The following NCAM1 variants were observed in gnomAD, a reference collection of about 807,000 sequenced individuals.
NCAM1 encodes the protein neural cell adhesion molecule 1, also known as antigen recognized by monoclonal antibody 5.1H11.
A neutral mutation model predicts 109.8 loss-of-function variants in NCAM1; 14 were observed. The ratio of observed to expected loss-of-function variants is 0.13; its 90% CI spans 0.08 to 0.20. The LOEUF (loss-of-function observed/expected upper bound fraction) is 0.20, where lower values mean the gene tolerates loss of function less well. Among genes scored for constraint, NCAM1 ranks in the 10% least tolerant of loss-of-function variants. The pLI is 1.00. For synonymous variants in NCAM1, 418 were observed against 442.9 expected (o/e 0.94, Z 0.70); for missense variants, 774 against 1,109.9 (o/e 0.70, Z 4.30).
At chr11:113,192,469 G>C (rs1414556800) in intron 1 of NCAM1, among the ~76,000 whole-genome samples, 3 of 152,182 alleles carry the variant, frequency 2.0e-5, no homozygotes, top group African/African-American at 7.2e-5. Flanking sequence ...CTGTTAAAAA[G>C]TGCCCCTGGG....
At chr11:113,190,869 C>T (rs1943655219) in intron 1 of NCAM1, among the ~76,000 whole-genome samples, 1 of 152,128 alleles carries the variant, frequency 6.6e-6, no homozygotes, top group Middle Eastern at 3.2e-3. Context: ...ATCCCTTTAA[C>T]ATGGACACTC....
chr11:113,175,701 C>T (rs1279658678), intron 1 of NCAM1, among the ~76,000 whole-genome samples: 1 of 152,182 alleles, frequency 6.6e-6, no homozygotes, highest in Non-Finnish European at 1.5e-5. Flanking sequence ...TCATACCATT[C>T]ACCATTGTGG....
In NCAM1 at chr11:113,175,692, C is replaced by T. The variant is rs568968352; in HGVS notation, c.53-26687C>T. ...AAGACATCTTTGTTTTCCTGTTTTT[C>T]ATACCATTCACCATTGTGGAAAAAC... On this transcript the variant is annotated intron_variant, in intron 1 of 19. Coordinates refer to ENST00000316851, the MANE Select transcript of NCAM1 (RefSeq NM_181351.5). Among the ~76,000 whole-genome samples the T allele has an allele frequency of 1.6e-3, 246 of 152,316 alleles. 1 individual carries two copies. The highest frequency in any genetic ancestry group is 3.1e-3 in the Non-Finnish European group (208 of 68,030).
intron 1 of NCAM1, among the ~76,000 whole-genome samples, chr11:113,017,668 T>C (rs556954148): frequency 1.3e-5 from 2 of 152,162 alleles, no homozygotes; most frequent in East Asian, 3.9e-4. Context: ...TGTATGTATG[T>C]CCCCAGGCCT....
intron 1 of NCAM1, among the ~76,000 whole-genome samples, chr11:113,086,197 A>G (rs1939079650): frequency 6.6e-6 from 1 of 152,186 alleles, no homozygotes; most frequent in Non-Finnish European, 1.5e-5. Flanking sequence ...TGAAGGAGGC[A>G]CTTACTTTCT....
In NCAM1 at chr11:113,193,590, T is replaced by C. The variant is rs1336558795; in HGVS notation, c.53-8789T>C. ...ATCGCTTGAACCTGGGAGGCAGAGG[T>C]TGCAGTGAAGCGAGATCCAGCCTGG... On this transcript the variant is annotated intron_variant, in intron 1 of 19. Transcript: ENST00000316851. 2.8e-4 allele frequency among the ~76,000 whole-genome samples: 43 copies of C among 151,600 alleles called. 1 individual carries two copies. The highest frequency in any genetic ancestry group is 2.7e-3 in the Admixed American group (41 of 15,232).
At chr11:113,116,713 G>A (rs1370768362) in intron 1 of NCAM1, among the ~76,000 whole-genome samples, 1 of 150,404 alleles carries the variant, frequency 6.6e-6, no homozygotes, top group South Asian at 2.1e-4. Context: ...AAAGAGAGTG[G>A]TACCTCTTGT....
chr11:113,271,057 A>G (rs957410193), intron 18 of NCAM1, among the ~76,000 whole-genome samples: 3 of 152,172 alleles, frequency 2.0e-5, no homozygotes, highest in Non-Finnish European at 4.4e-5. Context: ...CTGTATATGC[A>G]TATACATGTA....
At position 113,232,215 on chromosome 11, in the gene NCAM1, G is replaced by A. The variant is rs1555117388; in HGVS notation, c.1286G>A (p.Gly429Glu). The A allele has an allele frequency of 6.2e-7, 1 of 1,613,134 alleles. No homozygotes were observed. The highest frequency in any genetic ancestry group is 8.5e-7 in the Non-Finnish European group (1 of 1,179,546). ...QGPVAVYTWE[G>E]NQVNITCEVF... The stretch of plus-strand genomic sequence containing the variant: ...CCTGTGGCTGTGTACACTTGGGAGG[G>A]GAACCAGGTGAACATCACCTGCGAG... The change falls in exon 11 of 20, where the codon GGG becomes GAG. Residue 429 changes from glycine to glutamate, a missense_variant. Gly to Glu is a moderately conservative substitution (Grantham distance 98). Coordinates refer to ENST00000316851, the MANE Select transcript of NCAM1 (RefSeq NM_181351.5).
intron 1 of NCAM1, among the ~76,000 whole-genome samples, chr11:113,174,083 A>G (rs1943076490): frequency 1.3e-5 from 2 of 152,246 alleles, no homozygotes; most frequent in Admixed American, 6.5e-5. Context: ...TAGATTTGTT[A>G]CCATAGTCTG....
At chr11:113,245,277 A>G (rs1185448291) in intron 14 of NCAM1, among the ~76,000 whole-genome samples, 2 of 152,170 alleles carry the variant, frequency 1.3e-5, no homozygotes, top group Non-Finnish European at 2.9e-5. Context: ...CCCCATCTCT[A>G]CAAAAAATAG....
At chr11:113,174,962 A>G (rs11214530) in intron 1 of NCAM1, among the ~76,000 whole-genome samples, 9,756 of 152,186 alleles carry the variant, frequency 0.064, 639 homozygotes, top group African/African-American at 0.16. Flanking sequence ...AAGGTTGTAT[A>G]TATGTGTGGA....
chr11:113,000,851 C>CACACAAA (rs1555072319), intron 1 of NCAM1, among the ~76,000 whole-genome samples: 1 of 91,372 alleles, frequency 1.1e-5, no homozygotes, highest in African/African-American at 4.0e-5. Context: ...TATATATACA[C>CACACAAA]AAAAAATATA....
At chr11:113,190,126 A>T (rs555530998) in intron 1 of NCAM1, among the ~76,000 whole-genome samples, 3 of 152,324 alleles carry the variant, frequency 2.0e-5, no homozygotes, top group East Asian at 3.9e-4. Context: ...TTGATTTATT[A>T]TAAGTCAGAA....
intron 14 of NCAM1, among the ~76,000 whole-genome samples, chr11:113,239,391 C>A (rs1470127804): frequency 2.0e-5 from 3 of 152,148 alleles, no homozygotes; most frequent in African/African-American, 7.2e-5. Flanking sequence ...ACTGAGCTAC[C>A]CACCTTCATA....
intron 1 of NCAM1, among the ~76,000 whole-genome samples, chr11:112,974,766 A>G (rs1463999048): frequency 1.3e-5 from 2 of 151,646 alleles, no homozygotes; most frequent in Non-Finnish European, 2.9e-5. Context: ...TGAGGGGAGT[A>G]TGGGAGAAGA....
At chr11:113,070,947 T>C (rs1167434134) in intron 1 of NCAM1, among the ~76,000 whole-genome samples, 1 of 152,164 alleles carries the variant, frequency 6.6e-6, no homozygotes, top group Non-Finnish European at 1.5e-5. Flanking sequence ...GTCTGCATCA[T>C]TTATTTTTCT....
chr11:113,036,110 G>A (rs1351070346), intron 1 of NCAM1, among the ~76,000 whole-genome samples: 1 of 151,704 alleles, frequency 6.6e-6, no homozygotes, highest in African/African-American at 2.4e-5. Flanking sequence ...GTCCCCACCC[G>A]GGCTCTTCCA....
intron 1 of NCAM1, among the ~76,000 whole-genome samples, chr11:112,992,486 A>C (rs183248952): frequency 1.5e-3 from 226 of 151,234 alleles, no homozygotes; most frequent in African/African-American, 4.9e-3. Flanking sequence ...CAGAAAAATC[A>C]TGAACTCTTT....
Sources: gnomAD v4.1 joint callset for allele counts (sites outside exome capture counted in the v4.1 genomes callset) on GRCh38, gnomAD v4.1.1 for gene constraint, MANE v1.5 for transcripts, NCBI Gene and HGNC (gene_info 2026-07-23, HGNC 2026-07-21) for gene names.